RAB12: variants seen among roughly 807,000 people sequenced by gnomAD.
The protein encoded by RAB12 is RAB12, member RAS oncogene family.
In RAB12, 11 loss-of-function variants were observed where a neutral mutation model predicts 28.4. The observed-to-expected ratio is 0.39, with a 90% confidence interval of 0.24 to 0.64. The LOEUF (loss-of-function observed/expected upper bound fraction) is 0.64, where lower values mean the gene tolerates loss of function less well. Among genes scored for constraint, RAB12 ranks in the 30% least tolerant of loss-of-function variants. RAB12 has a pLI of 0.50. For synonymous variants in RAB12, 138 were observed against 145.3 expected (o/e 0.95, Z 0.36); for missense variants, 276 against 351.1 (o/e 0.79, Z 1.71).
At chr18:8,610,016 C>G (rs532225832) in intron 1 of RAB12, 63 bp downstream of exon 1, 2 of 1,307,994 alleles carry the variant, frequency 1.5e-6, no homozygotes, top group Admixed American at 1.8e-5. Context: ...CCCTTCGCCC[C>G]GTGGGCTTCG....
At chr18:8,629,947 T>C (rs1030512990) in intron 2 of RAB12, among the ~76,000 whole-genome samples, 47 of 152,328 alleles carry the variant, frequency 3.1e-4, no homozygotes, top group African/African-American at 1.1e-3. Flanking sequence ...AGATGGTCTT[T>C]AAAGAAATCG....
chr18:8,610,472 T>C (rs1326382088), intron 1 of RAB12, among the ~76,000 whole-genome samples: 1 of 152,246 alleles, frequency 6.6e-6, no homozygotes, highest in East Asian at 1.9e-4. Flanking sequence ...AAGTTTCTCG[T>C]GCTAGCCGTA....
rs1443629967 is a variant in RAB12 at position 8,609,634 on chromosome 18, C to G, written c.195C>G (p.Arg65=). Residue 65 remains arginine, a synonymous_variant, in exon 1 of 6, where the codon CGC becomes CGG. Coordinates refer to ENST00000649141, the MANE Select transcript of RAB12 (RefSeq NM_001025300.3). The part of the protein sequence containing the change: ...AEAEPGADPP[R]AAEAEGAPGP... ...CCGAGCCCGGGGCCGACCCCCCGCG[C>G]GCGGCGGAGGCCGAGGGGGCGCCGG... The G allele has an allele frequency of 1.7e-6, 1 of 579,096 alleles. No homozygotes were observed. Among genetic ancestry groups the G allele is most frequent in the Non-Finnish European group, 2.2e-6 (1 of 461,910 alleles). The allele number at this position is 579,096 out of a possible 1,614,324, so 35.9% of individuals were successfully genotyped here.
At chr18:8,637,719 C>T (rs2096019736) in intron 5 of RAB12, among the ~76,000 whole-genome samples, 1 of 152,186 alleles carries the variant, frequency 6.6e-6, no homozygotes, top group African/African-American at 2.4e-5. Context: ...AAGCCTATCA[C>T]TGACTGGAAG....
chr18:8,610,534 C>T (rs2096003218), intron 1 of RAB12, among the ~76,000 whole-genome samples: 1 of 152,222 alleles, frequency 6.6e-6, no homozygotes. Context: ...TCAAACAACC[C>T]GGTGACTGGC....
chr18:8,632,277 G>A (rs574179505), intron 2 of RAB12, among the ~76,000 whole-genome samples: 1 of 130,852 alleles, frequency 7.6e-6, no homozygotes, highest in African/African-American at 3.0e-5. Context: ...GCTAGACTCT[G>A]TCTCCAAAAA....
Position 8,609,723 on chromosome 18 carries a change from CGTGT to C in RAB12, c.285_288del (p.Cys96TrpfsTer58). On this transcript the variant is annotated frameshift_variant, in exon 1 of 6. Coordinates refer to ENST00000649141, the MANE Select transcript of RAB12 (RefSeq NM_001025300.3). LOFTEE classifies it high-confidence loss of function. ...CGGCGGGCCGAGCGGGAGCCGCATGCGTGTATGGATCCGGGCGCCGCGCTGCAGA... is the reference window on the plus strand; with the variant it reads ...CGGCGGGCCGAGCGGGAGCCGCATGCATGGATCCGGGCGCCGCGCTGCAGA... The C allele has an allele frequency of 8.9e-7, 1 of 1,129,646 alleles. No individual in the cohort carries two copies. Among genetic ancestry groups the C allele is most frequent in the Non-Finnish European group, 1.1e-6 (1 of 922,600 alleles). The allele number at this position is 1,129,646 out of a possible 1,614,324, so 70.0% of individuals were successfully genotyped here.
chr18:8,623,496 T>C (rs531431138), intron 1 of RAB12, among the ~76,000 whole-genome samples: 1 of 152,366 alleles, frequency 6.6e-6, no homozygotes, highest in African/African-American at 2.4e-5. Context: ...GTCATTAAAC[T>C]GTGCTGCTTT....
At chr18:8,630,170 G>T (rs1326936151) in intron 2 of RAB12, among the ~76,000 whole-genome samples, 1 of 152,222 alleles carries the variant, frequency 6.6e-6, no homozygotes, top group Non-Finnish European at 1.5e-5. Context: ...CTGACAACCT[G>T]TGCCCAAAGT....
At chr18:8,624,748 T>C (rs1033642865) in intron 1 of RAB12, among the ~76,000 whole-genome samples, 190 bp from the exon 2 acceptor site, 2 of 152,242 alleles carry the variant, frequency 1.3e-5, no homozygotes. Flanking sequence ...CAGTGTGGAC[T>C]GAAGCGTGAG....
At chr18:8,635,776 A>G in intron 4 of RAB12, 154 bp downstream of exon 4, 1 of 536,926 alleles carries the variant, frequency 1.9e-6, no homozygotes, top group Non-Finnish European at 3.2e-6. Context: ...CACTTTTTTG[A>G]CTTCGTGCTC....
chr18:8,618,022 T>A (rs2096007613), intron 1 of RAB12, among the ~76,000 whole-genome samples: 1 of 152,216 alleles, frequency 6.6e-6, no homozygotes. Flanking sequence ...TCTGTGGAAT[T>A]CTCATACGTG....
intron 3 of RAB12, 166 bp from the exon 4 acceptor site, chr18:8,635,367 C>T: frequency 1.8e-6 from 1 of 561,230 alleles, no homozygotes; most frequent in South Asian, 2.3e-5. Context: ...TGAGCCCTGC[C>T]TTGCACTGCT....
intron 1 of RAB12, among the ~76,000 whole-genome samples, chr18:8,613,202 C>T (rs1024419786): frequency 6.6e-6 from 1 of 152,158 alleles, no homozygotes; most frequent in Non-Finnish European, 1.5e-5. Flanking sequence ...ATGGAATTGT[C>T]TCATATTTTC....
At chr18:8,626,453 CTTAA>C (rs2096012705) in intron 2 of RAB12, among the ~76,000 whole-genome samples, 2 of 152,230 alleles carry the variant, frequency 1.3e-5, no homozygotes, top group South Asian at 4.1e-4. Context: ...TGGCACATGT[CTTAA>C]TTAATGCATT....
rs377072250 is a variant in RAB12, at chr18:8,633,293, A to G, written c.680A>G (p.Asp227Gly). 2.7e-5 allele frequency: 44 copies of G among 1,614,102 alleles called. No homozygotes were observed. The highest frequency in any genetic ancestry group is 3.6e-5 in the Non-Finnish European group (43 of 1,180,018). The change falls in exon 3 of 6, where the codon GAT becomes GGT. Residue 227 changes from aspartate (D) to glycine (G), a missense_variant. By Grantham distance (94) the Asp-to-Gly change is moderately conservative. Transcript: ENST00000649141. Reference protein sequence around the residue: ...VYDITKKETFDDLPKWMKMID... With the variant: ...VYDITKKETFGDLPKWMKMID... ...GATATCACTAAGAAGGAGACATTTG[A>G]TGATTTGCCGAAATGGATGAAGATG...
Position 8,638,548 on chromosome 18 carries a change from A to C in RAB12, c.*286A>C. The C allele has an allele frequency of 3.8e-6, 1 of 264,230 alleles. No individual in the cohort carries two copies. The highest frequency in any genetic ancestry group is 7.0e-5 in the South Asian group (1 of 14,290). The allele number at this position is 264,230 out of a possible 1,614,324, so 16.4% of individuals were successfully genotyped here. A position where few individuals can be genotyped will look rare whatever the true frequency, so the allele number is the denominator to read the frequency against. On this transcript the variant is annotated 3_prime_UTR_variant, in exon 6 of 6. Coordinates refer to ENST00000649141, the MANE Select transcript of RAB12 (RefSeq NM_001025300.3). ...AAGAATGGGAGAAATGAAAGGTATA[A>C]TGTTTCTTGAAATAAATAATATAAT...
chr18:8,617,037 T>G (rs566082500), intron 1 of RAB12, among the ~76,000 whole-genome samples: 4 of 152,320 alleles, frequency 2.6e-5, no homozygotes, highest in African/African-American at 9.6e-5. Context: ...CATGTAAGTT[T>G]CAGCTCCAGG....
At chr18:8,623,548 G>GTGCGC (rs2096011069) in intron 1 of RAB12, among the ~76,000 whole-genome samples, 1 of 152,210 alleles carries the variant, frequency 6.6e-6, no homozygotes, top group African/African-American at 2.4e-5. Flanking sequence ...TGCGTCTTGT[G>GTGCGC]TAGTGTCACT....
Sources: allele counts gnomAD v4.1 joint callset (sites outside exome capture counted in the v4.1 genomes callset), GRCh38; gene constraint gnomAD v4.1.1; transcripts MANE v1.5; gene names NCBI Gene and HGNC (gene_info 2026-07-23, HGNC 2026-07-21).